The following NTRK3 variants were observed in gnomAD, a reference collection of about 807,000 sequenced individuals.
NTRK3 encodes NT-3 growth factor receptor.
NTRK3 carries 24 observed loss-of-function variants against 91.7 expected under a neutral mutation model. That is an observed-to-expected ratio of 0.26 (90% CI 0.19 to 0.37). The LOEUF is 0.37. NTRK3 is among the 10% of genes least tolerant of loss of function. The pLI, the probability that NTRK3 is intolerant of heterozygous loss-of-function variation, is 1.00. For synonymous variants in NTRK3, 483 were observed against 404.0 expected, an observed-to-expected ratio of 1.20 and a Z score of -2.34; for missense variants, 880 against 1,068.9, an observed-to-expected ratio of 0.82 and a Z score of 2.46.
chr15:88,147,399 G>A (rs2151314020), exon 6 of NTRK3: 1 of 1,613,682 alleles, frequency 6.2e-7, no homozygotes, highest in Non-Finnish European at 8.5e-7. Flanking sequence ...TTACTTGACA[G>A]GTTTCTGCAA....
At chr15:88,184,148 C>G in intron 4 of NTRK3, 77 bp downstream of exon 4, 1 of 1,433,312 alleles carries the variant, frequency 7.0e-7, no homozygotes, top group Non-Finnish European at 9.7e-7. Flanking sequence ...GTGCCCCTCA[C>G]GCCACCCCAG....
chr15:88,017,673 C>T (rs1163623121), intron 14 of NTRK3, among the ~76,000 whole-genome samples: 1 of 151,678 alleles, frequency 6.6e-6, no homozygotes, highest in Non-Finnish European at 1.5e-5. Context: ...ATTTTCCTGA[C>T]TTTGGGGAAT....
At chr15:88,129,992 G>C (rs993855634) in intron 10 of NTRK3, among the ~76,000 whole-genome samples, 2 of 152,158 alleles carry the variant, frequency 1.3e-5, no homozygotes, top group African/African-American at 4.8e-5. Context: ...CACGCACAGA[G>C]GGAAAATCAC....
rs74542633 is a variant in NTRK3 at position 88,036,382 on chromosome 15, A to C, written c.1397-3337T>G. Reference sequence around the variant, plus strand: ...GTTATTCTACAGAGCAATTCCTTCAACATTTGGATGGGGAACTTTTTAACC... The same window carrying C: ...GTTATTCTACAGAGCAATTCCTTCACCATTTGGATGGGGAACTTTTTAACC... On this transcript the variant is annotated intron_variant, in intron 13 of 18. Transcript: ENST00000394480. Among the ~76,000 whole-genome samples, 1,379 of 152,116 alleles carry C rather than the reference A, an allele frequency of 9.1e-3. 17 individuals carry two copies. Among genetic ancestry groups the C allele is most frequent in the African/African-American group, 0.032 (1,310 of 41,492 alleles).
At chr15:88,219,019 C>T (rs907543795) in intron 3 of NTRK3, among the ~76,000 whole-genome samples, 2 of 152,354 alleles carry the variant, frequency 1.3e-5, no homozygotes, top group African/African-American at 4.8e-5. Flanking sequence ...GCCATAGCAA[C>T]AGCCCTAGCA....
chr15:87,896,769 G>T (rs2066149512), intron 17 of NTRK3, among the ~76,000 whole-genome samples: 1 of 152,140 alleles, frequency 6.6e-6, no homozygotes, highest in Admixed American at 6.5e-5. Flanking sequence ...ACAGATGAAA[G>T]CTTTATACAA....
chr15:88,252,217 G>A (rs756082914), intron 3 of NTRK3, among the ~76,000 whole-genome samples: 12 of 152,090 alleles, frequency 7.9e-5, no homozygotes, highest in South Asian at 2.1e-4. Flanking sequence ...TGTGCCTACC[G>A]AGAGTGAGCC....
exon 19 of NTRK3, chr15:87,867,686 T>C (rs1370206384): frequency 4.4e-6 from 1 of 228,608 alleles, no homozygotes; most frequent in Non-Finnish European, 8.7e-6. Context: ...TGCTAACCGT[T>C]TTGGTTCACG....
intron 14 of NTRK3, among the ~76,000 whole-genome samples, chr15:88,031,366 A>G (rs1229040000): frequency 1.3e-5 from 2 of 152,210 alleles, no homozygotes; most frequent in Non-Finnish European, 1.5e-5. Flanking sequence ...GAAACTCAGT[A>G]TCAACCCTAG....
chr15:88,092,451 G>A (rs1245837462), intron 13 of NTRK3, among the ~76,000 whole-genome samples: 3 of 152,168 alleles, frequency 2.0e-5, no homozygotes, highest in Non-Finnish European at 4.4e-5. Flanking sequence ...TAAATCTCTG[G>A]TAGGTTGCAT....
At chr15:87,930,056 C>T (rs1041054960) in intron 16 of NTRK3, among the ~76,000 whole-genome samples, 1 of 152,152 alleles carries the variant, frequency 6.6e-6, no homozygotes, top group African/African-American at 2.4e-5. Context: ...TGCTCATTTG[C>T]ATCTCCCACT....
At chr15:87,922,397 C>G in intron 17 of NTRK3, among the ~76,000 whole-genome samples, 1 of 152,196 alleles carries the variant, frequency 6.6e-6, no homozygotes, top group East Asian at 1.9e-4. Flanking sequence ...CTCAGGTCCT[C>G]CCATTAAACT....
intron 14 of NTRK3, among the ~76,000 whole-genome samples, chr15:87,941,673 C>T (rs1286666374): frequency 6.6e-6 from 1 of 152,198 alleles, no homozygotes; most frequent in Non-Finnish European, 1.5e-5. Context: ...AGTTCACTGT[C>T]CATCCAAGAA....
chr15:88,084,835 G>C (rs550461486), intron 13 of NTRK3, among the ~76,000 whole-genome samples: 3 of 152,200 alleles, frequency 2.0e-5, no homozygotes, highest in Non-Finnish European at 4.4e-5. Context: ...GACACACTGA[G>C]AGCCACTGTA....
At chr15:88,091,129 T>C (rs573691942) in intron 13 of NTRK3, among the ~76,000 whole-genome samples, 1 of 152,294 alleles carries the variant, frequency 6.6e-6, no homozygotes, top group South Asian at 2.1e-4. Flanking sequence ...AGAGGAGCCA[T>C]GCTAAATTGG....
intron 17 of NTRK3, among the ~76,000 whole-genome samples, chr15:87,894,016 T>A (rs1387663192): frequency 6.6e-6 from 1 of 152,232 alleles, no homozygotes; most frequent in Non-Finnish European, 1.5e-5. Context: ...GAGATTGTCA[T>A]AAAGGGTGTC....
At chr15:87,896,410 G>T (rs1157083682) in intron 17 of NTRK3, among the ~76,000 whole-genome samples, 1 of 151,282 alleles carries the variant, frequency 6.6e-6, no homozygotes, top group African/African-American at 2.4e-5. Context: ...GGCAGAGGTT[G>T]CAGTGAGCCA....
chr15:87,872,996 A>G (rs967127159), exon 19 of NTRK3: 2 of 233,014 alleles, frequency 8.6e-6, no homozygotes, highest in Non-Finnish European at 1.7e-5. Context: ...CCACTTTTCT[A>G]CTTAACTTCC....
At chr15:88,134,906 G>C (rs969349977) in intron 10 of NTRK3, among the ~76,000 whole-genome samples, 195 bp downstream of exon 10, 17 of 152,224 alleles carry the variant, frequency 1.1e-4, no homozygotes, top group Non-Finnish European at 2.9e-5. Context: ...TACCATGACT[G>C]CTATTGGAAA....
Sources: gnomAD v4.1 joint callset for allele counts (sites outside exome capture counted in the v4.1 genomes callset) on GRCh38, gnomAD v4.1.1 for gene constraint, MANE v1.5 for transcripts, NCBI Gene and HGNC (gene_info 2026-07-23, HGNC 2026-07-21) for gene names.